EFHC1: variants seen among roughly 807,000 people sequenced by gnomAD.
EFHC1 encodes EF-hand domain-containing protein 1.
A neutral mutation model predicts 69.9 loss-of-function variants in EFHC1; 53 were observed. The observed-to-expected ratio is 0.76, with a 90% CI of 0.61 to 0.95. The LOEUF (loss-of-function observed/expected upper bound fraction) is 0.95, where lower values mean the gene tolerates loss of function less well. Ranked by LOEUF, EFHC1 falls within the 40% of genes least tolerant of loss-of-function variation. EFHC1 has a pLI of 0.00. For missense variants in EFHC1, 739 were observed against 798.7 expected (o/e 0.93, Z 0.90); for synonymous variants, 256 against 278.4 (o/e 0.92, Z 0.80).
At chr6:52,478,957 T>G in intron 7 of EFHC1, 80 bp from the exon 8 acceptor site, 1 of 1,293,032 alleles carries the variant, frequency 7.7e-7, no homozygotes, top group Non-Finnish European at 1.1e-6. Context: ...ATCCTATACC[T>G]GGCCCCTATA....
intron 3 of EFHC1, among the ~76,000 whole-genome samples, chr6:52,449,025 C>T (rs1348741833): frequency 1.3e-5 from 2 of 152,156 alleles, no homozygotes; most frequent in Non-Finnish European, 2.9e-5. Flanking sequence ...TGATGCTGGC[C>T]TCATAGAATG....
In EFHC1 at chr6:52,465,075, G is replaced by A. The variant is rs947160019; in HGVS notation, c.1097G>A (p.Arg366His). The A allele has an allele frequency of 3.1e-6, 5 of 1,614,024 alleles. No individual in the cohort carries two copies. The highest frequency in any genetic ancestry group is 4.2e-6 in the Non-Finnish European group (5 of 1,180,014). Residue 366 changes from arginine (R) to histidine (H), a missense_variant, in exon 6 of 11, where the codon CGT becomes CAT. Arg to His is a conservative substitution (Grantham distance 29, BLOSUM62 0). Coordinates refer to ENST00000371068, the MANE Select transcript of EFHC1 (RefSeq NM_018100.4). Reference sequence around the variant, plus strand: ...AAGTTTGGAATCACTGATTTACCACGTATTGATGTGAGCAAGCGGGAACCA... The same window carrying A: ...AAGTTTGGAATCACTGATTTACCACATATTGATGTGAGCAAGCGGGAACCA... ...KEKFGITDLP[R>H]IDVSKREPPP...
chr6:52,479,131 A>T lies in EFHC1; in HGVS notation c.1373A>T (p.Asn458Ile), dbSNP rs1562462191. 6.2e-7 allele frequency: 1 copy of T among 1,614,000 alleles called. No homozygotes were observed. ...MISIFEPPVR[N>I]SGIIGGKYLG... ...AGTATCTTTGAGCCTCCTGTTCGCA[A>T]TTCTGGTATCATTGGGGGCAAGTAC... Residue 458 changes from asparagine to isoleucine, a missense_variant, in exon 8 of 11, where the codon AAT (asparagine) becomes ATT (isoleucine). Physicochemically the swap from Asn to Ile is moderately radical, Grantham distance 149. Coordinates refer to ENST00000371068, the MANE Select transcript of EFHC1 (RefSeq NM_018100.4).
chr6:52,443,464 A>G (rs1004218221), intron 3 of EFHC1, among the ~76,000 whole-genome samples: 11 of 152,170 alleles, frequency 7.2e-5, no homozygotes, highest in Admixed American at 2.0e-4. Flanking sequence ...TAATTTTTGT[A>G]TAAGGTGTAA....
At chr6:52,423,702 C>G in intron 1 of EFHC1, 2 of 465,476 alleles carry the variant, frequency 4.3e-6, no homozygotes, top group Admixed American at 8.3e-5. Flanking sequence ...GTAGAGACAG[C>G]ATCTTGTTGC....
rs192503387 is a variant in EFHC1 at position 52,423,787 on chromosome 6, C to T, written c.64-159C>T. The T allele has an allele frequency of 1.0e-2, 15,236 of 1,528,830 alleles. 95 individuals carry two copies. The highest frequency in any genetic ancestry group is 0.012 in the Non-Finnish European group (13,237 of 1,143,270). 94.7% of individuals were successfully genotyped at this position (1,528,830 alleles called of 1,614,324 possible). On this transcript the variant is annotated intron_variant, in intron 1 of 10. Coordinates refer to ENST00000371068, the MANE Select transcript of EFHC1 (RefSeq NM_018100.4). ...TCCCAGAGTTCTGGGATTATAGGCACGAGCCACCATGCCCAGCCTTAATGT... is the reference window on the plus strand; with the variant it reads ...TCCCAGAGTTCTGGGATTATAGGCATGAGCCACCATGCCCAGCCTTAATGT...
chr6:52,441,712 T>C (rs376604008), intron 3 of EFHC1, among the ~76,000 whole-genome samples: 4 of 152,312 alleles, frequency 2.6e-5, no homozygotes, highest in African/African-American at 9.6e-5. Flanking sequence ...TGTAAAGATA[T>C]TGATTTTTCG....
At chr6:52,424,287 A>G (rs748668144) in intron 2 of EFHC1, 120 bp downstream of exon 2, 31 of 957,530 alleles carry the variant, frequency 3.2e-5, no homozygotes, top group Non-Finnish European at 4.7e-5. Flanking sequence ...AATTGTTCAG[A>G]TGCCTTAACC....
chr6:52,465,868 ATATT>A lies in EFHC1; in HGVS notation c.1137+754_1137+757del, dbSNP rs567995113. 5.2e-4 allele frequency among the ~76,000 whole-genome samples: 77 copies of A among 148,286 alleles called. No homozygotes were observed. The South Asian group carries it at 0.016, about 31-fold the overall frequency. On this transcript the variant is annotated intron_variant, in intron 6 of 10. Transcript: ENST00000371068. The stretch of plus-strand genomic sequence containing the variant: ...ATATATATAATATCTATCTATATAT[ATATT>A]ATAAATCATATTGTTTATAATATAT...
intron 9 of EFHC1, among the ~76,000 whole-genome samples, chr6:52,480,823 T>C (rs1398688365): frequency 6.6e-6 from 1 of 152,116 alleles, no homozygotes; most frequent in South Asian, 2.1e-4. Context: ...TGGGGGTGGC[T>C]GAAATTGAGT....
chr6:52,433,496 G>A (rs2113974735), intron 2 of EFHC1, among the ~76,000 whole-genome samples: 1 of 152,306 alleles, frequency 6.6e-6, no homozygotes, highest in Non-Finnish European at 1.5e-5. Flanking sequence ...GCTGGTACTG[G>A]GGGTTGTCTG....
chr6:52,489,104 G>A (rs1264919856), intron 9 of EFHC1: 1 of 152,168 alleles, frequency 6.6e-6, no homozygotes, highest in Non-Finnish European at 1.5e-5. Context: ...AGGTAAAAGA[G>A]GGAAATAAGT....
intron 2 of EFHC1, among the ~76,000 whole-genome samples, chr6:52,437,969 G>A (rs749610741): frequency 5.9e-5 from 9 of 152,052 alleles, no homozygotes; most frequent in Admixed American, 2.6e-4. Flanking sequence ...ACAAAAAAGC[G>A]TAAATTATTT....
chr6:52,484,496 T>G (rs755020281), intron 9 of EFHC1: 10 of 152,236 alleles, frequency 6.6e-5, no homozygotes, highest in Non-Finnish European at 1.3e-4. Flanking sequence ...ATGTCTGACT[T>G]ACTTAGTAGT....
intron 5 of EFHC1, among the ~76,000 whole-genome samples, chr6:52,457,722 C>T (rs980333721): frequency 4.6e-5 from 7 of 152,126 alleles, no homozygotes; most frequent in Non-Finnish European, 1.0e-4. Flanking sequence ...ACCCAAGGAA[C>T]CAGGTTCTGA....
chr6:52,458,576 G>T (rs1765094733), intron 5 of EFHC1, among the ~76,000 whole-genome samples: 2 of 152,138 alleles, frequency 1.3e-5, no homozygotes, highest in Admixed American at 6.5e-5. Flanking sequence ...ATCATCAGAG[G>T]GATGCAATCA....
At chr6:52,452,569 T>G in intron 3 of EFHC1, 119 bp from the exon 4 acceptor site, 21 of 1,184,646 alleles carry the variant, frequency 1.8e-5, no homozygotes, top group East Asian at 2.5e-5. Flanking sequence ...CCCAAAGTGC[T>G]GAGATTGTAG....
chr6:52,445,197 T>C (rs1183892046), intron 3 of EFHC1, among the ~76,000 whole-genome samples: 1 of 151,782 alleles, frequency 6.6e-6, no homozygotes, highest in Non-Finnish European at 1.5e-5. Context: ...TTTTCTTCTT[T>C]ATTAGTCTTG....
At chr6:52,430,854 T>G (rs1156773674) in intron 2 of EFHC1, among the ~76,000 whole-genome samples, 1 of 152,116 alleles carries the variant, frequency 6.6e-6, no homozygotes, top group Non-Finnish European at 1.5e-5. Flanking sequence ...TGCTGGTAGT[T>G]TTTTAATTAT....
Sources: gnomAD v4.1 joint callset for allele counts (sites outside exome capture counted in the v4.1 genomes callset) on GRCh38, gnomAD v4.1.1 for gene constraint, MANE v1.5 for transcripts, NCBI Gene and HGNC (gene_info 2026-07-23, HGNC 2026-07-21) for gene names.